The following HELZ2 variants were observed in gnomAD, a reference collection of about 807,000 sequenced individuals.
HELZ2 encodes the protein helicase with zinc finger 2, also known as 3'-5' exoribonuclease HELZ2.
HELZ2 carries 143 observed loss-of-function variants against 208.8 expected under a neutral mutation model. The ratio of observed to expected loss-of-function variants is 0.68; its 90% CI spans 0.60 to 0.79. The LOEUF (loss-of-function observed/expected upper bound fraction) is 0.79, where lower values mean the gene tolerates loss of function less well. Among genes scored for constraint, HELZ2 ranks in the 30% least tolerant of loss-of-function variants. The pLI is 0.00. For synonymous variants in HELZ2, 1,705 were observed against 1,693.7 expected (o/e 1.01, Z -0.16); for missense variants, 3,690 against 3,794.5 (o/e 0.97, Z 0.72).
At chr20:63,558,573 C>G (rs2082840015), downstream of HELZ2, 1 of 152,230 alleles carries the variant, frequency 6.6e-6, no homozygotes, top group Admixed American at 6.5e-5. Flanking sequence ...GGGTCTCGCT[C>G]TGTCACCCAG....
chr20:63,563,949 C>T, exon 8 of HELZ2: 1 of 1,594,962 alleles, frequency 6.3e-7, no homozygotes, highest in Non-Finnish European at 8.6e-7. Flanking sequence ...TGCATGTCGT[C>T]CGTGGTGACC....
At chr20:63,565,076 C>A in exon 8 of HELZ2, 1 of 1,562,098 alleles carries the variant, frequency 6.4e-7, no homozygotes, top group Non-Finnish European at 8.7e-7. Flanking sequence ...AAGCCCCACA[C>A]GCTGCAGCCG....
exon 1 of HELZ2, chr20:63,572,410 G>A (rs754108672): frequency 1.4e-5 from 21 of 1,479,480 alleles, no homozygotes; most frequent in Non-Finnish European, 1.8e-5. Context: ...GTGCAAACTG[G>A]CAGCGGGACT....
exon 5 of HELZ2, chr20:63,568,773 C>T (rs374807661): frequency 6.8e-6 from 11 of 1,609,510 alleles, no homozygotes; most frequent in Non-Finnish European, 9.3e-6. Context: ...TCTGAGCTGG[C>T]CCGCCTCTCC....
rs758143305 is a variant in HELZ2, at chr20:63,563,617, G to T, written c.5205C>A (p.Ala1735=). ...CGAAGCCCAGCTTGTCCAGAGGCTG[G>T]GCCTTGAGCTGCACGGCCAGGTGCA... Residue 1735 remains alanine, a synonymous_variant, in exon 8 of 19, where the codon GCC becomes GCA. Transcript: ENST00000467148. 8.4e-6 allele frequency: 13 copies of T among 1,539,870 alleles called. No homozygotes were observed. The East Asian group carries it at 3.2e-4, about 37-fold the overall frequency.
intron 3 of HELZ2, 35 bp downstream of exon 4, chr20:63,570,469 C>A: frequency 1.9e-6 from 3 of 1,569,632 alleles, no homozygotes; most frequent in Admixed American, 3.4e-5. Context: ...TTCCCCAGGG[C>A]TCCCTCCGCC....
At chr20:63,572,201 G>A (rs147964431) in exon 1 of HELZ2, 66 of 1,606,764 alleles carry the variant, frequency 4.1e-5, no homozygotes, top group East Asian at 9.0e-5. Context: ...TGCGTGCTCC[G>A]AGGATGCGCA....
chr20:63,569,699 G>C, intron 3 of HELZ2, 34 bp from the exon 5 acceptor site: 2 of 1,482,036 alleles, frequency 1.3e-6, no homozygotes, highest in Non-Finnish European at 1.8e-6. Context: ...GGGGGGCCCA[G>C]GGCTCCCCCC....
chr20:63,560,090 C>A lies in HELZ2; in HGVS notation c.7663G>T (p.Glu2555Ter). The change falls in exon 18 of 19, where the codon GAG becomes TAG. Residue 2555 changes from glutamate to a stop codon, truncating the protein, a stop_gained. Coordinates refer to ENST00000467148, the Ensembl canonical transcript of HELZ2. LOFTEE classifies it high-confidence loss of function. The stretch of plus-strand genomic sequence containing the variant: ...GTGCTCACCAGCACATAGCGCCACT[C>A]GCTCCCTGCGGGATGGGAGGTGAGG... 1 of 1,593,942 alleles carries A rather than the reference C, an allele frequency of 6.3e-7. No individual in the cohort carries two copies. Among genetic ancestry groups the A allele is most frequent in the Non-Finnish European group, 8.5e-7 (1 of 1,174,012 alleles).
chr20:63,568,911 C>T lies in HELZ2; in HGVS notation c.1177G>A (p.Ala393Thr), dbSNP rs369617055. The stretch of plus-strand genomic sequence containing the variant: ...AGGGAGGAGGGGACGGGGACCTCTG[C>T]GTACAGTGCTCCCGGAGGCGCGAAG... Residue 393 changes from alanine (A) to threonine (T), a missense_variant, in exon 5 of 19, where the codon GCA (alanine) becomes ACA (threonine). Transcript: ENST00000467148. 236 of 1,610,574 alleles carry T rather than the reference C, an allele frequency of 1.5e-4. 1 individual carries two copies. In the Middle Eastern group the frequency reaches 7.9e-3, roughly 54 times the overall value.
upstream of HELZ2, among the ~76,000 whole-genome samples, chr20:63,573,705 G>C (rs1185349938): frequency 6.6e-6 from 1 of 152,160 alleles, no homozygotes; most frequent in Non-Finnish European, 1.5e-5. The surrounding 1 kb of genome is among the most constrained non-coding windows in gnomAD (Gnocchi z 4.9). Flanking sequence ...TCTGCACCTG[G>C]GGAGGGGCCT....
At chr20:63,572,667 T>C, upstream of HELZ2, 1 of 425,682 alleles carries the variant, frequency 2.3e-6, no homozygotes, top group Non-Finnish European at 4.2e-6. Flanking sequence ...CCAAACTCCG[T>C]AAGGATGGCG....
At position 63,572,339 on chromosome 20, in the gene HELZ2, TC is replaced by T. The variant is rs1348579060; in HGVS notation, c.46del (p.Asp16ThrfsTer155). On this transcript the variant is annotated frameshift_variant, in exon 1 of 19. Transcript: ENST00000467148. LOFTEE classifies it high-confidence loss of function. ...ATCAGGGGCAGGGGGTGTGAGCAGG[TC>T]CCCCCGCTGGAGGCCACCCAGCTGC... 2.5e-6 allele frequency: 4 copies of T among 1,575,398 alleles called. No homozygotes were observed. The highest frequency in any genetic ancestry group is 3.6e-5 in the Admixed American group (2 of 55,956).
exon 12 of HELZ2, chr20:63,561,639 C>A: frequency 1.2e-6 from 2 of 1,612,056 alleles, no homozygotes; most frequent in Non-Finnish European, 1.7e-6. Context: ...GGGGGCTCTT[C>A]CTGAGCAGCT....
Position 63,572,128 on chromosome 20 carries a change from G to GGA in HELZ2, c.256_257dup (p.Lys87ProfsTer85). ...CTTACTTTGGGCAGAGCTCGAACTTGGAGAGTCCCGGGGGTGGGGAACGGT... is the reference window on the plus strand; with the variant it reads ...CTTACTTTGGGCAGAGCTCGAACTTGGAGAGAGTCCCGGGGGTGGGGAACGGT... On this transcript the variant is annotated frameshift_variant, in exon 1 of 19. Coordinates refer to ENST00000467148, the Ensembl canonical transcript of HELZ2. LOFTEE classifies it high-confidence loss of function. 6.2e-7 allele frequency: 1 copy of GGA among 1,611,014 alleles called. No homozygotes were observed. The highest frequency in any genetic ancestry group is 8.5e-7 in the Non-Finnish European group (1 of 1,179,270).
Position 63,561,804 on chromosome 20 carries a change from A to C in HELZ2, c.6691+19T>G. On this transcript the variant is annotated intron_variant, in intron 11 of 18. Transcript: ENST00000467148. ...GCGTGCCAGCTCCCCAAAGGCCCCC[A>C]CCGCCGACCCCGGCGCACCTGCCAG... 1.3e-6 allele frequency: 2 copies of C among 1,551,962 alleles called. No homozygotes were observed. The highest frequency in any genetic ancestry group is 1.7e-6 in the Non-Finnish European group (2 of 1,146,972).
At chr20:63,570,642 C>A in intron 2 of HELZ2, 31 bp from the exon 4 acceptor site, 1 of 1,593,874 alleles carries the variant, frequency 6.3e-7, no homozygotes, top group Non-Finnish European at 8.6e-7. Context: ...CAGCAAGAGG[C>A]CTGGACCCCA....
exon 13 of HELZ2, chr20:63,561,374 A>C: frequency 6.2e-7 from 1 of 1,612,968 alleles, no homozygotes; most frequent in Non-Finnish European, 8.5e-7. Context: ...CCTGGAGAAG[A>C]GCTCCCCTCT....
Position 63,566,826 on chromosome 20 carries a change from CGGGCTGGCCGGGCTCACCT to C in HELZ2, c.2513_2514+17del. On this transcript the variant is annotated splice_donor_variant and splice_donor_5th_base_variant and coding_sequence_variant and intron_variant, in exon 6 of 19. Coordinates refer to ENST00000467148, the Ensembl canonical transcript of HELZ2. LOFTEE classifies it high-confidence loss of function. ...GCAGGGGTGCGGTCGGGGGCTGTCCCGGGCTGGCCGGGCTCACCTGGGCACCGTGGGAAACGACACAGAT... is the reference window on the plus strand; with the variant it reads ...GCAGGGGTGCGGTCGGGGGCTGTCCCGGGCACCGTGGGAAACGACACAGAT... 1 of 1,576,876 alleles carries C rather than the reference CGGGCTGGCCGGGCTCACCT, an allele frequency of 6.3e-7. No homozygotes were observed.
Sources: allele counts gnomAD v4.1 joint callset (sites outside exome capture counted in the v4.1 genomes callset), GRCh38; gene constraint gnomAD v4.1.1; non-coding constraint Gnocchi (gnomAD v3.1); transcripts MANE v1.5; gene names NCBI Gene and HGNC (gene_info 2026-07-23, HGNC 2026-07-21).